The following CDKL5 variants were observed in gnomAD, a reference collection of about 807,000 sequenced individuals.
CDKL5 encodes cyclin-dependent kinase-like 5.
A neutral mutation model predicts 61.7 loss-of-function variants in CDKL5; 8 were observed. The observed-to-expected ratio is 0.13, with a 90% confidence interval of 0.08 to 0.23. CDKL5 has a LOEUF of 0.23. Ranked by LOEUF, CDKL5 falls within the 10% of genes least tolerant of loss-of-function variation. The probability of loss-of-function intolerance (pLI) is 1.00; values close to 1 mark genes in which losing one functional copy is unlikely to be tolerated. For missense variants in CDKL5, 440 were observed against 734.5 expected, an observed-to-expected ratio of 0.60 and a Z score of 4.63; for synonymous variants, 275 against 272.3, an observed-to-expected ratio of 1.01 and a Z score of -0.10.
chrX:18,524,759 A>G (rs1006638246), intron 3 of CDKL5, among the ~76,000 whole-genome samples: 2 of 111,814 alleles, frequency 1.8e-5, no homozygotes, highest in Non-Finnish European at 3.8e-5. Flanking sequence ...TGTATGATCC[A>G]TTTTGATTTA....
rs776991514 is a variant in CDKL5 at position 18,587,937 on chromosome X, C to T, written c.555-17C>T. 7 of 1,195,618 alleles carry T rather than the reference C, an allele frequency of 5.9e-6. No individual in the cohort carries two copies. The Admixed American group carries it at 1.3e-4, about 22-fold the overall frequency. On this transcript the variant is annotated splice_polypyrimidine_tract_variant and intron_variant, in intron 8 of 17. Coordinates refer to ENST00000623535, the MANE Select transcript of CDKL5 (RefSeq NM_001323289.2). Reference sequence around the variant, plus strand: ...ATTTTTTCAGTTGCCAAAATAATCTCTTCCTTTATTTTTCAGCGCTCCCTA... The same window carrying T: ...ATTTTTTCAGTTGCCAAAATAATCTTTTCCTTTATTTTTCAGCGCTCCCTA...
intron 3 of CDKL5, among the ~76,000 whole-genome samples, chrX:18,557,635 A>G (rs1020258397): frequency 3.8e-4 from 43 of 112,574 alleles, no homozygotes; most frequent in African/African-American, 1.3e-3. Context: ...CTTATACAGT[A>G]TATGATCAGT....
At chrX:18,647,757 C>G (rs748440292) in intron 20 of CDKL5, 2 of 161,628 alleles carry the variant, frequency 1.2e-5, no homozygotes, top group Non-Finnish European at 2.4e-5. Context: ...GACGTCAGGT[C>G]TCTTGTTGTC....
chrX:18,530,286 A>G (rs1212519471), intron 3 of CDKL5, among the ~76,000 whole-genome samples: 2 of 106,071 alleles, frequency 1.9e-5, no homozygotes, highest in Non-Finnish European at 3.9e-5. Context: ...CAGTGAGCCA[A>G]GATCACACCA....
intron 3 of CDKL5, among the ~76,000 whole-genome samples, chrX:18,563,851 C>A (rs1407240205): frequency 8.9e-6 from 1 of 111,736 alleles, no homozygotes; most frequent in Non-Finnish European, 1.9e-5. Context: ...CCCTTGTTTT[C>A]TTTCCTCCCA....
intron 3 of CDKL5, among the ~76,000 whole-genome samples, chrX:18,547,747 T>A (rs1183683835): frequency 1.8e-5 from 2 of 111,980 alleles, no homozygotes; most frequent in African/African-American, 6.5e-5. Context: ...TAATACAGTT[T>A]AATTGAGCAG....
intron 21 of CDKL5, among the ~76,000 whole-genome samples, chrX:18,653,131 C>G (rs1928118842): frequency 8.9e-6 from 1 of 112,249 alleles, no homozygotes; most frequent in South Asian, 3.7e-4. Context: ...GGATCATAAG[C>G]TCAAGCATCA....
intron 9 of CDKL5, among the ~76,000 whole-genome samples, chrX:18,593,762 T>C (rs891821676): frequency 8.9e-6 from 1 of 112,448 alleles, no homozygotes; most frequent in Non-Finnish European, 1.9e-5. Flanking sequence ...CAGAAATCAG[T>C]TTTAGGTTAT....
rs867184094 is a variant in CDKL5 at position 18,530,142 on chromosome X, C to T, written c.99+19288C>T. On this transcript the variant is annotated intron_variant, in intron 3 of 17. Transcript: ENST00000623535. ...AAAAGATCGAGACCATCCTGGCGAA[C>T]GTGGTGAAACCCCGTCTCTACTAAA... Among the ~76,000 whole-genome samples, 5 of 106,593 alleles carry T rather than the reference C, an allele frequency of 4.7e-5. 1 individual carries two copies. In the Middle Eastern group the frequency reaches 0.014, roughly 305 times the overall value. 92.6% of individuals were successfully genotyped at this position (106,593 alleles called of 115,157 possible).
intron 19 of CDKL5, chrX:18,645,875 C>A (rs1377333278): frequency 5.9e-6 from 6 of 1,013,657 alleles, no homozygotes; most frequent in Non-Finnish European, 6.8e-6. Context: ...GTCTCCCTTG[C>A]AACTAGATGG....
At chrX:18,426,662 A>G (rs1414898869) in intron 1 of CDKL5, 1 of 112,594 alleles carries the variant, frequency 8.9e-6, no homozygotes, top group African/African-American at 3.2e-5. Context: ...AGCTGATTTT[A>G]GAAAGTATTG....
chrX:18,643,716 C>T (rs1437603582), downstream of CDKL5, among the ~76,000 whole-genome samples: 3 of 111,707 alleles, frequency 2.7e-5, no homozygotes, highest in African/African-American at 9.8e-5. Context: ...TACATGTCTA[C>T]TTAACCTGAT....
At chrX:18,609,371 G>A (rs1360111844) in intron 13 of CDKL5, 94 bp from the exon 14 acceptor site, 1 of 1,191,033 alleles carries the variant, frequency 8.4e-7, no homozygotes, top group East Asian at 3.0e-5. Context: ...TACAGCCTGG[G>A]CAATAGAGTG....
intron 16 of CDKL5, chrX:18,623,751 G>T (rs1926956092): frequency 9.7e-6 from 2 of 206,724 alleles, no homozygotes; most frequent in African/African-American, 3.1e-5. Flanking sequence ...AGCTCTAGAT[G>T]CACAGCACCG....
chrX:18,509,197 G>GCACGCGCGCGCGCGCACACA (rs1204561636), intron 2 of CDKL5, among the ~76,000 whole-genome samples: 12 of 64,307 alleles, frequency 1.9e-4, no homozygotes, highest in South Asian at 2.2e-3. Flanking sequence ...CTCAAAACAC[G>GCACGCGCGCGCGCGCACACA]CACACACACA....
downstream of CDKL5, among the ~76,000 whole-genome samples, chrX:18,642,829 C>A (rs186153695): frequency 2.4e-3 from 267 of 111,135 alleles, no homozygotes; most frequent in Middle Eastern, 4.6e-3. Context: ...CGTTTGAGGT[C>A]AGGAGTTTGA....
rs779361711 is a variant in CDKL5, at chrX:18,518,388, A to ATTTTTTTTT, written c.99+7561_99+7569dup. Among the ~76,000 whole-genome samples the ATTTTTTTTT allele has an allele frequency of 3.4e-3, 72 of 21,178 alleles. 12 individuals are homozygous for ATTTTTTTTT. The highest frequency in any genetic ancestry group is 5.5e-3 in the South Asian group (1 of 182). 18.4% of individuals were successfully genotyped at this position (21,178 alleles called of 115,157 possible). On this transcript the variant is annotated intron_variant, in intron 3 of 17. Coordinates refer to ENST00000623535, the MANE Select transcript of CDKL5 (RefSeq NM_001323289.2). ...AAGTCATGTTTTCTTTTCTTTTCTTATTTTTTTTTTTTTTTTTTTTTTTTT... is the reference window on the plus strand; with the variant it reads ...AAGTCATGTTTTCTTTTCTTTTCTTATTTTTTTTTTTTTTTTTTTTTTTTTTTTTTTTTT...
intron 21 of CDKL5, among the ~76,000 whole-genome samples, chrX:18,652,027 C>T (rs2147199761): frequency 9.1e-6 from 1 of 110,485 alleles, no homozygotes; most frequent in African/African-American, 3.3e-5. Context: ...TGCTACCTCC[C>T]CAGCACCCTT....
chrX:18,604,033 A>C lies in CDKL5; in HGVS notation c.1109A>C (p.Asn370Thr), dbSNP rs1179123253. The C allele has an allele frequency of 8.3e-7, 1 of 1,211,385 alleles. No homozygotes were observed. Among genetic ancestry groups the C allele is most frequent in the Admixed American group, 2.2e-5 (1 of 45,963 alleles). ...GCCAATGAAAGCTTCCTAAATGGAA[A>C]CCTTGCTGGAGCTAGTCTTAGTCCA... The part of the protein sequence containing the change: ...LPANESFLNG[N>T]LAGASLSPLH... Residue 370 changes from asparagine (N) to threonine (T), a missense_variant, in exon 12 of 18, where the codon AAC becomes ACC. Asn to Thr is a moderately conservative substitution (Grantham distance 65). Coordinates refer to ENST00000623535, the MANE Select transcript of CDKL5 (RefSeq NM_001323289.2).
Sources: allele counts gnomAD v4.1 joint callset (sites outside exome capture counted in the v4.1 genomes callset), GRCh38; gene constraint gnomAD v4.1.1; transcripts MANE v1.5; gene names NCBI Gene and HGNC (gene_info 2026-07-23, HGNC 2026-07-21).